ARHGEF11: variants seen among roughly 807,000 people sequenced by gnomAD.
ARHGEF11 encodes the protein Rho guanine nucleotide exchange factor 11.
ARHGEF11 carries 55 observed loss-of-function variants against 193.7 expected under a neutral mutation model. The ratio of observed to expected loss-of-function variants is 0.28; its 90% confidence interval spans 0.23 to 0.36. ARHGEF11 has a LOEUF of 0.36. Ranked by LOEUF, ARHGEF11 falls within the 10% of genes least tolerant of loss-of-function variation. The pLI is 1.00. For missense variants in ARHGEF11, 1,723 were observed against 2,005.6 expected, an observed-to-expected ratio of 0.86 and a Z score of 2.69; for synonymous variants, 693 against 768.0, an observed-to-expected ratio of 0.90 and a Z score of 1.62.
intron 31 of ARHGEF11, 92 bp from the exon 32 acceptor site, chr1:156,944,194 G>A (rs1472033600): frequency 6.7e-7 from 1 of 1,502,146 alleles, no homozygotes; most frequent in Non-Finnish European, 9.1e-7. Context: ...GAGGCTCTAG[G>A]AAGTCCTGGG....
At chr1:156,979,172 T>C (rs2102400912) in intron 5 of ARHGEF11, 57 bp downstream of exon 5, 1 of 1,551,178 alleles carries the variant, frequency 6.4e-7, no homozygotes, top group East Asian at 2.2e-5. Flanking sequence ...CTCCCTCCTT[T>C]CCTCCCTCTC....
Position 156,944,394 on chromosome 1 carries a change from G to A in ARHGEF11, c.3031C>T (p.Pro1011Ser). 6 of 1,614,074 alleles carry A rather than the reference G, an allele frequency of 3.7e-6. No homozygotes were observed. The highest frequency in any genetic ancestry group is 3.3e-5 in the Admixed American group (2 of 60,014). Residue 1011 changes from proline to serine, a missense_variant, in exon 31 of 41, where the codon CCC becomes TCC. By Grantham distance (74) the Pro-to-Ser change is moderately conservative (BLOSUM62 -1). This residue lies in a region of ARHGEF11 where 491 missense variants were observed against 654.5 expected (regional missense o/e 0.75). Transcript: ENST00000368194. ...LTTRKMIHEG[P>S]LTWRISKDKT... ...TCCTTGCTGATCCTCCAGGTCAGGG[G>A]TCCCTCATGGATCATTTTTCTGGTT...
chr1:157,030,893 A>G (rs903749945), intron 1 of ARHGEF11, among the ~76,000 whole-genome samples: 1 of 152,054 alleles, frequency 6.6e-6, no homozygotes, highest in Non-Finnish European at 1.5e-5. Flanking sequence ...CTGCACTCTT[A>G]TCTGGGTCCT....
chr1:157,045,967 G>GCGGGAAGCTGACCGCCTTTCCCTGCCT (rs1673286699), upstream of ARHGEF11, among the ~76,000 whole-genome samples: 1 of 150,428 alleles, frequency 6.6e-6, no homozygotes, highest in Admixed American at 6.6e-5. Context: ...GGGGGCGGGG[G>GCGGGAAGCTGACCGCCTTTCCCTGCCT]CGGGAAGCTG....
At chr1:157,003,621 G>A (rs1453649309) in intron 1 of ARHGEF11, among the ~76,000 whole-genome samples, 1 of 152,230 alleles carries the variant, frequency 6.6e-6, no homozygotes, top group African/African-American at 2.4e-5. Flanking sequence ...CCAGAGCTAG[G>A]ACTTGAACTC....
At chr1:157,019,354 T>A (rs1669680382) in intron 1 of ARHGEF11, among the ~76,000 whole-genome samples, 1 of 152,220 alleles carries the variant, frequency 6.6e-6, no homozygotes. Context: ...ATGTATGTAC[T>A]AACATGGTTA....
At chr1:156,986,032 T>C (rs764430769) in intron 2 of ARHGEF11, 50 bp downstream of exon 2, 4 of 1,489,642 alleles carry the variant, frequency 2.7e-6, no homozygotes, top group Non-Finnish European at 2.8e-6. Flanking sequence ...AATACAGGCA[T>C]GTGCCACCAT....
chr1:157,027,953 C>T (rs1322665842), intron 1 of ARHGEF11, among the ~76,000 whole-genome samples: 6 of 152,140 alleles, frequency 3.9e-5, no homozygotes, highest in African/African-American at 1.4e-4. Flanking sequence ...CCCTGAAGAG[C>T]TCTAGCTGTT....
intron 32 of ARHGEF11, among the ~76,000 whole-genome samples, chr1:156,943,065 CTT>C (rs112741222): frequency 7.1e-6 from 1 of 140,438 alleles, no homozygotes; most frequent in Non-Finnish European, 1.5e-5. Context: ...AGTTATAAAA[CTT>C]TTTTTTTTTT....
chr1:157,015,007 T>C (rs1391258590), intron 1 of ARHGEF11, among the ~76,000 whole-genome samples: 1 of 152,166 alleles, frequency 6.6e-6, no homozygotes. Context: ...ATGCTCAAAC[T>C]CAACACACTG....
At chr1:156,950,822 C>CAAGG (rs1658980459) in intron 22 of ARHGEF11, among the ~76,000 whole-genome samples, 1 of 152,156 alleles carries the variant, frequency 6.6e-6, no homozygotes, top group Non-Finnish European at 1.5e-5. Context: ...ATTACTCTAC[C>CAAGG]TGTTTAAGTC....
intron 1 of ARHGEF11, among the ~76,000 whole-genome samples, chr1:157,019,906 C>T (rs886407674): frequency 6.6e-6 from 1 of 152,058 alleles, no homozygotes; most frequent in African/African-American, 2.4e-5. Flanking sequence ...GCAGGCAGAT[C>T]ACAAGGTCAG....
chr1:156,978,386 G>C lies in ARHGEF11; in HGVS notation c.332-4C>G. On this transcript the variant is annotated splice_region_variant and splice_polypyrimidine_tract_variant and intron_variant, in intron 5 of 40. Transcript: ENST00000368194. ...GTGAGTGCGACATAGGCGCCAGCTAGAGGGAAACAGAGAGAGACTTGTTCC... is the reference window on the plus strand; with the variant it reads ...GTGAGTGCGACATAGGCGCCAGCTACAGGGAAACAGAGAGAGACTTGTTCC... 6.3e-7 allele frequency: 1 copy of C among 1,583,486 alleles called. No individual in the cohort carries two copies. Among genetic ancestry groups the C allele is most frequent in the Non-Finnish European group, 8.6e-7 (1 of 1,165,828 alleles).
At chr1:157,027,119 C>T (rs1427758855) in intron 1 of ARHGEF11, among the ~76,000 whole-genome samples, 4 of 152,172 alleles carry the variant, frequency 2.6e-5, no homozygotes, top group Non-Finnish European at 5.9e-5. Context: ...GTGGCTCACA[C>T]CTGTAATCCC....
intron 1 of ARHGEF11, 80 bp from the exon 2 acceptor site, chr1:156,986,253 A>C: frequency 8.1e-7 from 1 of 1,230,018 alleles, no homozygotes; most frequent in Non-Finnish European, 1.2e-6. Context: ...CTCTGTCAAA[A>C]GGGGCCCTGA....
intron 1 of ARHGEF11, among the ~76,000 whole-genome samples, chr1:157,013,359 T>C (rs1668805992): frequency 6.6e-6 from 1 of 151,280 alleles, no homozygotes; most frequent in Non-Finnish European, 1.5e-5. Context: ...TTCCCTGTGC[T>C]GCTGTATGTA....
chr1:156,971,204 T>C (rs1662438837), intron 8 of ARHGEF11, among the ~76,000 whole-genome samples: 1 of 152,218 alleles, frequency 6.6e-6, no homozygotes, highest in Non-Finnish European at 1.5e-5. Context: ...CCATAAAGTG[T>C]GGTTATCTGC....
chr1:157,024,080 A>C (rs941623156), intron 1 of ARHGEF11, among the ~76,000 whole-genome samples: 1 of 118,714 alleles, frequency 8.4e-6, no homozygotes, highest in East Asian at 2.5e-4. Flanking sequence ...GTATATCCAC[A>C]TAACAGGATA....
chr1:156,994,975 C>T (rs1227057187), intron 1 of ARHGEF11, among the ~76,000 whole-genome samples: 2 of 151,944 alleles, frequency 1.3e-5, no homozygotes, highest in African/African-American at 4.8e-5. Context: ...TAAAACACTG[C>T]CGTGCACTTG....
Sources: allele counts gnomAD v4.1 joint callset (sites outside exome capture counted in the v4.1 genomes callset), GRCh38; gene constraint gnomAD v4.1.1; regional missense constraint gnomAD v4.1.1; transcripts MANE v1.5; gene names NCBI Gene and HGNC (gene_info 2026-07-23, HGNC 2026-07-21).